QSER1: variants seen among roughly 807,000 people sequenced by gnomAD.
QSER1 encodes the protein glutamine and serine rich 1.
A neutral mutation model predicts 158.5 loss-of-function variants in QSER1; 49 were observed. That is an observed-to-expected ratio of 0.31 (90% CI 0.25 to 0.39). QSER1 has a LOEUF of 0.39. QSER1 is among the 10% of genes least tolerant of loss of function. The pLI, the probability that QSER1 is intolerant of heterozygous loss-of-function variation, is 1.00. For missense variants in QSER1, 1,754 were observed against 2,010.3 expected (o/e 0.87, Z 2.44); for synonymous variants, 650 against 715.5 (o/e 0.91, Z 1.46).
At chr11:32,949,731 C>T (rs1000180321) in intron 4 of QSER1, among the ~76,000 whole-genome samples, 3 of 152,290 alleles carry the variant, frequency 2.0e-5, no homozygotes, top group African/African-American at 7.2e-5. Flanking sequence ...GGGCTCCTAA[C>T]GTGATTAGAA....
At chr11:32,901,613 C>T (rs1394399041) in intron 1 of QSER1, among the ~76,000 whole-genome samples, 3 of 152,186 alleles carry the variant, frequency 2.0e-5, no homozygotes, top group African/African-American at 7.2e-5. Context: ...ATCACTTCTG[C>T]CAGTCTGTTG....
At chr11:32,967,349 G>T (rs1022057912) in intron 9 of QSER1, among the ~76,000 whole-genome samples, 25 of 151,934 alleles carry the variant, frequency 1.6e-4, no homozygotes, top group African/African-American at 6.0e-4. Context: ...AAGGGGTAAG[G>T]GATGAAAAAC....
intron 1 of QSER1, among the ~76,000 whole-genome samples, chr11:32,925,128 G>A (rs1319544627): frequency 2.0e-5 from 3 of 152,142 alleles, no homozygotes; most frequent in African/African-American, 4.8e-5. Context: ...CCAGTCAACC[G>A]TTGATGGGCA....
intron 1 of QSER1, among the ~76,000 whole-genome samples, chr11:32,919,227 G>A (rs189136454): frequency 3.7e-4 from 57 of 152,124 alleles, no homozygotes; most frequent in Admixed American, 2.9e-3. Context: ...GATCACCTAC[G>A]AACTCCTGGG....
At chr11:32,946,085 C>T (rs1055481427) in intron 4 of QSER1, among the ~76,000 whole-genome samples, 29 of 152,230 alleles carry the variant, frequency 1.9e-4, no homozygotes, top group African/African-American at 6.0e-4. Context: ...TTTTCAGCTC[C>T]GTCAGCTCCT....
chr11:32,958,330 T>C (rs1427532850), intron 8 of QSER1, among the ~76,000 whole-genome samples: 1 of 151,898 alleles, frequency 6.6e-6, no homozygotes, highest in African/African-American at 2.4e-5. Flanking sequence ...ATGCCAGTTA[T>C]CTCAACTCTG....
intron 1 of QSER1, among the ~76,000 whole-genome samples, chr11:32,925,538 A>ATTTTTTTT (rs869289765): frequency 7.1e-6 from 1 of 140,884 alleles, no homozygotes; most frequent in Non-Finnish European, 1.6e-5. Flanking sequence ...TTATTTATTT[A>ATTTTTTTT]TTTTTTGCAG....
At position 32,941,470 on chromosome 11, in the gene QSER1, G is replaced by C. The variant is rs572477828; in HGVS notation, c.4177+6035G>C. Among the ~76,000 whole-genome samples, 4 of 147,540 alleles carry C rather than the reference G, an allele frequency of 2.7e-5. No homozygotes were observed. The South Asian group carries it at 8.6e-4, about 32-fold the overall frequency. The stretch of plus-strand genomic sequence containing the variant: ...CTGTTCAGTTCCCACCTATGAGTGA[G>C]AATATGCGGTGTTTGGTTTTTTGTT... On this transcript the variant is annotated intron_variant, in intron 4 of 12. Transcript: ENST00000650167.
chr11:32,975,640 C>T, intron 12 of QSER1: 1 of 1,219,342 alleles, frequency 8.2e-7, no homozygotes, highest in Non-Finnish European at 1.0e-6. Flanking sequence ...ATTTTGTTCT[C>T]TCACAGTGTA....
At chr11:32,971,803 C>T (rs912561267) in intron 10 of QSER1, among the ~76,000 whole-genome samples, 2 of 152,134 alleles carry the variant, frequency 1.3e-5, no homozygotes, top group Admixed American at 6.6e-5. Flanking sequence ...GTGGCTCACG[C>T]CTGAAATCCC....
chr11:32,975,220 G>A, intron 11 of QSER1, 28 bp from the exon 12 acceptor site: 1 of 1,463,602 alleles, frequency 6.8e-7, no homozygotes, highest in Non-Finnish European at 9.2e-7. Flanking sequence ...TCCATGAAAT[G>A]TATCTATAAA....
At chr11:32,901,260 A>G (rs961802900) in intron 1 of QSER1, among the ~76,000 whole-genome samples, 5 of 152,370 alleles carry the variant, frequency 3.3e-5, no homozygotes, top group African/African-American at 1.2e-4. Context: ...AGGATAGCAT[A>G]TAGATTATTA....
rs764771159 is a variant in QSER1 at position 32,977,299 on chromosome 11, T to C, written c.*825T>C. Reference sequence around the variant, plus strand: ...TTTTGTTATTTTCAGTAAATCTTAGTTATATGTTGAATTTCTAATGTGAAT... The same window carrying C: ...TTTTGTTATTTTCAGTAAATCTTAGCTATATGTTGAATTTCTAATGTGAAT... On this transcript the variant is annotated 3_prime_UTR_variant, in exon 13 of 13. Coordinates refer to ENST00000650167, the MANE Select transcript of QSER1 (RefSeq NM_001076786.3). 1.3e-5 allele frequency: 2 copies of C among 152,642 alleles called. No individual in the cohort carries two copies. Among genetic ancestry groups the C allele is most frequent in the Non-Finnish European group, 2.9e-5 (2 of 68,032 alleles). 9.5% of individuals were successfully genotyped at this position (152,642 alleles called of 1,614,324 possible).
intron 4 of QSER1, among the ~76,000 whole-genome samples, chr11:32,938,548 G>A (rs965250089): frequency 3.9e-5 from 6 of 152,164 alleles, no homozygotes; most frequent in African/African-American, 7.2e-5. Flanking sequence ...TAACTTAAAC[G>A]TGAGTATATC....
intron 10 of QSER1, among the ~76,000 whole-genome samples, chr11:32,971,025 CCACTG>C (rs1852845486): frequency 6.7e-6 from 1 of 148,438 alleles, no homozygotes; most frequent in African/African-American, 2.5e-5. Context: ...CGATCTCCGC[CCACTG>C]CAACCTCCTC....
intron 4 of QSER1, among the ~76,000 whole-genome samples, chr11:32,953,250 T>G (rs1412317868): frequency 6.7e-6 from 1 of 150,310 alleles, no homozygotes; most frequent in Non-Finnish European, 1.5e-5. Context: ...TGTTTTGGGT[T>G]TTTTTTTTTC....
At chr11:32,950,369 C>T (rs573840720) in intron 4 of QSER1, among the ~76,000 whole-genome samples, 1 of 152,280 alleles carries the variant, frequency 6.6e-6, no homozygotes, top group African/African-American at 2.4e-5. Context: ...GCTGGGATTA[C>T]AGGCATGAAC....
intron 1 of QSER1, among the ~76,000 whole-genome samples, chr11:32,920,062 C>A (rs1851881909): frequency 6.6e-6 from 1 of 152,168 alleles, no homozygotes; most frequent in South Asian, 2.1e-4. Context: ...TCAGCCATTT[C>A]TCCAAGGAGC....
At chr11:32,975,210 TC>T in intron 11 of QSER1, 37 bp from the exon 12 acceptor site, 1 of 1,417,178 alleles carries the variant, frequency 7.1e-7, no homozygotes, top group Non-Finnish European at 9.5e-7. Flanking sequence ...GCTCAGATAC[TC>T]CATGAAATGT....
Sources: gnomAD v4.1 joint callset for allele counts (sites outside exome capture counted in the v4.1 genomes callset) on GRCh38, gnomAD v4.1.1 for gene constraint, MANE v1.5 for transcripts, NCBI Gene and HGNC (gene_info 2026-07-23, HGNC 2026-07-21) for gene names.